Variants in TYW1B observed in about 807,000 individuals in gnomAD.
TYW1B encodes the protein S-adenosyl-L-methionine-dependent tRNA 4-demethylwyosine synthase TYW1B.
Under a neutral mutation model 86.9 loss-of-function variants are expected in TYW1B, and 73 were observed. That is an observed-to-expected ratio of 0.84 (90% CI 0.70 to 1.02). The LOEUF is 1.02. Among genes scored for constraint, TYW1B ranks in the 50% least tolerant of loss-of-function variants. The pLI is 0.00. For synonymous variants in TYW1B, 248 were observed against 292.8 expected, an observed-to-expected ratio of 0.85 and a Z score of 1.56; for missense variants, 637 against 827.4, an observed-to-expected ratio of 0.77 and a Z score of 2.82.
At chr7:72,601,723 A>G (rs1410419220) in intron 13 of TYW1B, among the ~76,000 whole-genome samples, 2 of 151,798 alleles carry the variant, frequency 1.3e-5, no homozygotes, top group East Asian at 1.9e-4. Context: ...AAAATGCACG[A>G]AAGAATCTTA....
intron 13 of TYW1B, among the ~76,000 whole-genome samples, chr7:72,578,884 C>T (rs782175733): frequency 6.6e-6 from 1 of 152,128 alleles, no homozygotes; most frequent in Non-Finnish European, 1.5e-5. Flanking sequence ...ACCATTCTCT[C>T]TTCTTCCCTA....
intron 1 of TYW1B, 92 bp downstream of exon 1, chr7:72,827,980 G>C: frequency 6.3e-7 from 1 of 1,587,060 alleles, no homozygotes; most frequent in South Asian, 1.1e-5. Context: ...CGAAGGAAGG[G>C]GACCGAGGAC....
intron 6 of TYW1B, among the ~76,000 whole-genome samples, chr7:72,792,683 C>G (rs1414327464): frequency 2.6e-5 from 4 of 152,094 alleles, no homozygotes; most frequent in Admixed American, 2.6e-4. Flanking sequence ...GCAAGAGTAT[C>G]CATTACCAAA....
intron 11 of TYW1B, among the ~76,000 whole-genome samples, chr7:72,645,486 G>A (rs1812908105): frequency 6.6e-6 from 1 of 152,150 alleles, no homozygotes; most frequent in African/African-American, 2.4e-5. Flanking sequence ...AACATGTACA[G>A]AAAGGTTATT....
At chr7:72,686,078 A>G (rs1255828061) in intron 11 of TYW1B, among the ~76,000 whole-genome samples, 2 of 152,230 alleles carry the variant, frequency 1.3e-5, no homozygotes, top group Non-Finnish European at 2.9e-5. Context: ...AAATGAAACA[A>G]CAGTGACAGA....
chr7:72,749,357 G>A (rs1306129731), intron 7 of TYW1B, among the ~76,000 whole-genome samples: 5 of 152,086 alleles, frequency 3.3e-5, no homozygotes, highest in South Asian at 2.1e-4. Flanking sequence ...GCAGTGGCAC[G>A]ATCTCGGCTC....
chr7:72,699,649 CTT>C (rs1244810970), intron 10 of TYW1B, among the ~76,000 whole-genome samples: 2 of 151,594 alleles, frequency 1.3e-5, no homozygotes, highest in Non-Finnish European at 2.9e-5. Context: ...CTTAATTTTT[CTT>C]TTCTTTTTTT....
intron 11 of TYW1B, among the ~76,000 whole-genome samples, chr7:72,657,696 A>C (rs1399785449): frequency 6.6e-6 from 1 of 152,208 alleles, no homozygotes; most frequent in Non-Finnish European, 1.5e-5. Flanking sequence ...CAAAGTACTG[A>C]AAGAAAAAAA....
chr7:72,698,559 TCACTTAAA>T (rs1160452517), intron 10 of TYW1B, among the ~76,000 whole-genome samples: 2 of 147,650 alleles, frequency 1.4e-5, no homozygotes, highest in Non-Finnish European at 3.0e-5. Context: ...GGCACAAAAA[TCACTTAAA>T]CCCAGGAGGC....
intron 6 of TYW1B, 75 bp from the exon 7 acceptor site, chr7:72,777,608 A>G (rs782396402): frequency 1.9e-6 from 3 of 1,552,844 alleles, no homozygotes; most frequent in Non-Finnish European, 2.6e-6. Flanking sequence ...ATGAACACCT[A>G]GCATCAATAA....
At chr7:72,752,777 T>A (rs193144037) in intron 7 of TYW1B, among the ~76,000 whole-genome samples, 1,893 of 150,302 alleles carry the variant, frequency 0.013, 37 homozygotes, top group African/African-American at 0.043. Flanking sequence ...CATCAACTTG[T>A]ACACTTTAAA....
At chr7:72,611,260 C>CT (rs1202497180) in intron 13 of TYW1B, among the ~76,000 whole-genome samples, 2 of 152,112 alleles carry the variant, frequency 1.3e-5, no homozygotes, top group East Asian at 1.9e-4. Context: ...CTTCTCAGCA[C>CT]TTTTTTTGTT....
Position 72,769,627 on chromosome 7 carries a change from G to C in TYW1B, c.964+7789C>G, listed in dbSNP as rs1479888227. ...ATGGAAATAGAAAAGCCACAGTCTAGAGAAATATTCACAGTGCACATTCAA... is the reference window on the plus strand; with the variant it reads ...ATGGAAATAGAAAAGCCACAGTCTACAGAAATATTCACAGTGCACATTCAA... On this transcript the variant is annotated intron_variant, in intron 7 of 13. Transcript: ENST00000620995. Among the ~76,000 whole-genome samples, 68 of 152,180 alleles carry C rather than the reference G, an allele frequency of 4.5e-4. 1 individual carries two copies. Among genetic ancestry groups the C allele is most frequent in the Admixed American group, 3.9e-4 (6 of 15,260 alleles).
intron 7 of TYW1B, among the ~76,000 whole-genome samples, chr7:72,750,008 C>A (rs1787472809): frequency 7.0e-6 from 1 of 141,926 alleles, no homozygotes; most frequent in Non-Finnish European, 1.5e-5. Flanking sequence ...TCCCTCACAG[C>A]CTCCCAAGTA....
Position 72,616,790 on chromosome 7 carries a change from T to A in TYW1B, c.1667A>T (p.His556Leu). The A allele has an allele frequency of 6.2e-7, 1 of 1,614,220 alleles. No individual in the cohort carries two copies. Among genetic ancestry groups the A allele is most frequent in the Non-Finnish European group, 8.5e-7 (1 of 1,180,040 alleles). The change falls in exon 13 of 14, where the codon CAT becomes CTT. Residue 556 changes from histidine (H) to leucine (L), a missense_variant. Transcript: ENST00000620995. Reference protein sequence around the residue: ...ESSASSLTMAHVPWHEEVVQF... With the variant: ...ESSASSLTMALVPWHEEVVQF... The stretch of plus-strand genomic sequence containing the variant: ...TACCACTTCCTCATGCCAGGGCACA[T>A]GGGCCATGGTAAGACTGCTTGCTGA...
chr7:72,763,292 T>C (rs1197681808), intron 7 of TYW1B, among the ~76,000 whole-genome samples: 2 of 145,154 alleles, frequency 1.4e-5, no homozygotes, highest in African/African-American at 5.0e-5. Context: ...CTTTTTTTTT[T>C]TTTTTTTGAG....
chr7:72,777,690 C>T (rs1787981176), intron 6 of TYW1B, among the ~76,000 whole-genome samples, 157 bp from the exon 7 acceptor site: 1 of 152,084 alleles, frequency 6.6e-6, no homozygotes, highest in Non-Finnish European at 1.5e-5. Context: ...CCAGGGTAGG[C>T]GGATCACCTG....
chr7:72,786,508 A>T (rs1473473392), intron 6 of TYW1B, among the ~76,000 whole-genome samples: 2 of 152,060 alleles, frequency 1.3e-5, no homozygotes, highest in Non-Finnish European at 2.9e-5. Context: ...GCAAAGAAAA[A>T]TACATACCCA....
chr7:72,624,124 T>G (rs1456920588), intron 12 of TYW1B, among the ~76,000 whole-genome samples: 1 of 152,142 alleles, frequency 6.6e-6, no homozygotes, highest in Non-Finnish European at 1.5e-5. Flanking sequence ...ACTCCTCTAT[T>G]TGAGAAATTT....
Sources: gnomAD v4.1 joint callset for allele counts (sites outside exome capture counted in the v4.1 genomes callset) on GRCh38, gnomAD v4.1.1 for gene constraint, MANE v1.5 for transcripts, NCBI Gene and HGNC (gene_info 2026-07-23, HGNC 2026-07-21) for gene names.